Variants in TXK observed in about 807,000 individuals in gnomAD.
TXK encodes the protein tyrosine-protein kinase TXK.
TXK carries 60 observed loss-of-function variants against 81.0 expected under a neutral mutation model. The ratio of observed to expected loss-of-function variants is 0.74; its 90% CI spans 0.60 to 0.92. The LOEUF (loss-of-function observed/expected upper bound fraction) is 0.92. Among genes scored for constraint, TXK ranks in the 40% least tolerant of loss-of-function variants. The pLI, the probability that TXK is intolerant of heterozygous loss-of-function variation, is 0.00. For missense variants in TXK, 581 were observed against 638.3 expected (o/e 0.91, Z 0.97); for synonymous variants, 203 against 210.7 (o/e 0.96, Z 0.32).
chr4:48,082,727 A>C (rs1717358472), intron 10 of TXK, among the ~76,000 whole-genome samples: 1 of 152,146 alleles, frequency 6.6e-6, no homozygotes, highest in Non-Finnish European at 1.5e-5. Flanking sequence ...TCCTGTACCC[A>C]TACAAATCGC....
intron 1 of TXK, among the ~76,000 whole-genome samples, chr4:48,128,118 A>G (rs1191407065): frequency 1.3e-5 from 2 of 152,242 alleles, no homozygotes; most frequent in African/African-American, 4.8e-5. Context: ...TGAAGTTTAC[A>G]TCGTCACCTC....
chr4:48,097,971 T>C (rs1490602026), intron 6 of TXK, among the ~76,000 whole-genome samples: 1 of 151,472 alleles, frequency 6.6e-6, no homozygotes, highest in Non-Finnish European at 1.5e-5. Flanking sequence ...ATGGTCTCGA[T>C]CTCCTCACCT....
rs7665321 is a variant in TXK, at chr4:48,105,694, A to T, written c.447-739T>A. Among the ~76,000 whole-genome samples the T allele has an allele frequency of 2.7e-3, 404 of 152,288 alleles. 3 individuals carry two copies. The highest frequency in any genetic ancestry group is 8.9e-3 in the African/African-American group (369 of 41,574). On this transcript the variant is annotated intron_variant, in intron 5 of 14. Coordinates refer to ENST00000264316, the MANE Select transcript of TXK (RefSeq NM_003328.3). ...CCTCTAGATCTAATATAAAATTTTTAAAAAATCAAAAAACAGAATACATGG... is the reference window on the plus strand; with the variant it reads ...CCTCTAGATCTAATATAAAATTTTTTAAAAATCAAAAAACAGAATACATGG...
chr4:48,085,843 G>A (rs985583634), intron 10 of TXK, among the ~76,000 whole-genome samples: 6 of 152,094 alleles, frequency 3.9e-5, no homozygotes, highest in Admixed American at 6.6e-5. Flanking sequence ...ATCCCGCTGA[G>A]AGCCATCTCC....
chr4:48,072,207 T>C (rs914828400), intron 13 of TXK, among the ~76,000 whole-genome samples: 2 of 152,202 alleles, frequency 1.3e-5, no homozygotes, highest in African/African-American at 2.4e-5. Context: ...TTTCACCATG[T>C]TGGCCAGGCT....
chr4:48,071,056 C>T (rs62301688), intron 14 of TXK, among the ~76,000 whole-genome samples: 30,552 of 151,074 alleles, frequency 0.2, 3,831 homozygotes, highest in Middle Eastern at 0.3. Context: ...TGCACCACCA[C>T]GCCCGGCTAA....
At chr4:48,074,533 G>A (rs956757858) in intron 12 of TXK, among the ~76,000 whole-genome samples, 1 of 152,126 alleles carries the variant, frequency 6.6e-6, no homozygotes, top group South Asian at 2.1e-4. Flanking sequence ...AAAAGTATAT[G>A]AACATAATGC....
chr4:48,119,174 C>G (rs898280016), intron 1 of TXK, among the ~76,000 whole-genome samples: 8 of 152,242 alleles, frequency 5.3e-5, no homozygotes, highest in African/African-American at 1.9e-4. Flanking sequence ...TGAACTAACC[C>G]TTACAGATTT....
At chr4:48,107,095 A>C (rs1244917795) in intron 5 of TXK, among the ~76,000 whole-genome samples, 1 of 151,706 alleles carries the variant, frequency 6.6e-6, no homozygotes, top group Non-Finnish European at 1.5e-5. Flanking sequence ...TGCAAATTAA[A>C]AGTTTCCAAA....
intron 5 of TXK, among the ~76,000 whole-genome samples, chr4:48,108,852 AACAGGGTAAT>A (rs1718542907): frequency 6.6e-6 from 1 of 152,184 alleles, no homozygotes; most frequent in Non-Finnish European, 1.5e-5. Flanking sequence ...GCCTTGTCTA[AACAGGGTAAT>A]CAATGAGCAA....
chr4:48,104,851 A>C, intron 6 of TXK, 50 bp downstream of exon 6: 1 of 1,434,826 alleles, frequency 7.0e-7, no homozygotes, highest in Non-Finnish European at 9.6e-7. Context: ...TAAAGTCTTT[A>C]TAAGTACTTC....
intron 8 of TXK, among the ~76,000 whole-genome samples, chr4:48,092,674 G>A (rs1345392166): frequency 2.0e-5 from 3 of 152,156 alleles, no homozygotes; most frequent in Admixed American, 6.5e-5. Flanking sequence ...ATGTTTATAG[G>A]GTTAAAAGCT....
At chr4:48,079,800 TG>T in intron 11 of TXK, 111 bp downstream of exon 11, 1 of 803,390 alleles carries the variant, frequency 1.2e-6, no homozygotes, top group East Asian at 2.5e-5. Context: ...AATAGGTAAA[TG>T]TTTAAAAATT....
At chr4:48,079,888 A>G in intron 11 of TXK, 24 bp downstream of exon 11, 2 of 1,568,260 alleles carry the variant, frequency 1.3e-6, no homozygotes, top group Non-Finnish European at 1.8e-6. Context: ...ACAAAAAAAA[A>G]AAGTAAATTT....
chr4:48,089,366 A>G (rs1357159521), intron 9 of TXK: 1 of 157,084 alleles, frequency 6.4e-6, no homozygotes, highest in African/African-American at 2.4e-5. Context: ...AGTTCAAAGA[A>G]TCAATAGGGA....
Position 48,094,077 on chromosome 4 carries a change from C to T in TXK, c.709G>A (p.Gly237Ser), listed in dbSNP as rs755368214. 17 of 1,613,140 alleles carry T rather than the reference C, an allele frequency of 1.1e-5. No individual in the cohort carries two copies. The highest frequency in any genetic ancestry group is 1.7e-5 in the Admixed American group (1 of 60,004). The change falls in exon 8 of 15, where the codon GGT becomes AGT. Residue 237 changes from glycine (G) to serine (S), a missense_variant and splice_region_variant. By Grantham distance (56) the Gly-to-Ser change is moderately conservative. Coordinates refer to ENST00000264316, the MANE Select transcript of TXK (RefSeq NM_003328.3). ...ACCCAGCTGGAAGTTCCCCTCTTACCGGCTGCATTGTGCTGGTGATACCAG... is the reference window on the plus strand; with the variant it reads ...ACCCAGCTGGAAGTTCCCCTCTTACTGGCTGCATTGTGCTGGTGATACCAG... Reference protein sequence around the residue: ...LIWYHQHNAAGLMTRLRYPVG... With the variant: ...LIWYHQHNAASLMTRLRYPVG...
At chr4:48,100,506 G>A (rs547437894) in intron 6 of TXK, among the ~76,000 whole-genome samples, 4 of 152,304 alleles carry the variant, frequency 2.6e-5, no homozygotes, top group Admixed American at 2.6e-4. Context: ...ACTGAGATGA[G>A]GTGTCAGAGA....
chr4:48,078,519 A>C (rs3852106), intron 11 of TXK, among the ~76,000 whole-genome samples: 133,331 of 152,182 alleles, frequency 0.88, 61,102 homozygotes, highest in East Asian at 1. Flanking sequence ...GAGACATGGA[A>C]GAACATAAGG....
intron 1 of TXK, among the ~76,000 whole-genome samples, chr4:48,130,690 C>T (rs796104834): frequency 7.2e-5 from 11 of 152,316 alleles, no homozygotes; most frequent in African/African-American, 2.6e-4. Context: ...ATCTTAGAGG[C>T]TGCCTACCAC....
Sources: gnomAD v4.1 joint callset for allele counts (sites outside exome capture counted in the v4.1 genomes callset) on GRCh38, gnomAD v4.1.1 for gene constraint, MANE v1.5 for transcripts, NCBI Gene and HGNC (gene_info 2026-07-23, HGNC 2026-07-21) for gene names.